Variants in KCNQ3 observed in about 807,000 individuals in gnomAD.
KCNQ3 encodes the protein potassium voltage-gated channel subfamily Q member 3.
KCNQ3 carries 30 observed loss-of-function variants against 92.5 expected under a neutral mutation model. That is an observed-to-expected ratio of 0.32 (90% CI 0.24 to 0.44). KCNQ3 has a LOEUF of 0.44. Ranked by LOEUF, KCNQ3 falls within the 20% of genes least tolerant of loss-of-function variation. The pLI, the probability that KCNQ3 is intolerant of heterozygous loss-of-function variation, is 1.00. For missense variants in KCNQ3, 913 were observed against 1,140.3 expected (o/e 0.80, Z 2.87); for synonymous variants, 450 against 468.8 (o/e 0.96, Z 0.52).
chr8:132,129,946 T>C lies in KCNQ3; in HGVS notation c.1935A>G (p.Gln645=), dbSNP rs587781011. 92 of 1,614,040 alleles carry C rather than the reference T, an allele frequency of 5.7e-5. No individual in the cohort carries two copies. The highest frequency in any genetic ancestry group is 6.8e-5 in the Non-Finnish European group (80 of 1,180,044). ...KLDFLVDMHM[Q]HMERLQVQVT... The stretch of plus-strand genomic sequence containing the variant: ...CCTGCACCTGCAACCGTTCCATGTG[T>C]TGCATGTGCATATCCACGAGGAAGT... Residue 645 remains glutamine, a synonymous_variant, in exon 15 of 15, where the codon CAA becomes CAG. Coordinates refer to ENST00000388996, the MANE Select transcript of KCNQ3 (RefSeq NM_004519.4). The surrounding 1 kb of genome is among the most constrained non-coding windows in gnomAD (Gnocchi z 5.9).
rs1363809967 is a variant in KCNQ3 at position 132,127,604 on chromosome 8, C to T, written c.*1658G>A. On this transcript the variant is annotated 3_prime_UTR_variant, in exon 15 of 15. Coordinates refer to ENST00000388996, the MANE Select transcript of KCNQ3 (RefSeq NM_004519.4). ...GGAGAATAGCAGTGTCAGCTGCATA[C>T]AGACATTTGTTTAGGTCATCTGGAT... 1 of 152,222 alleles carries T rather than the reference C, an allele frequency of 6.6e-6. No homozygotes were observed. The highest frequency in any genetic ancestry group is 1.5e-5 in the Non-Finnish European group (1 of 68,052). The allele number at this position is 152,222 out of a possible 1,614,324, so 9.4% of individuals were successfully genotyped here. A position where few individuals can be genotyped will look rare whatever the true frequency, so the allele number is the denominator to read the frequency against.
At chr8:132,354,477 TGG>T (rs1375717203) in intron 1 of KCNQ3, among the ~76,000 whole-genome samples, 2 of 152,194 alleles carry the variant, frequency 1.3e-5, no homozygotes, top group Non-Finnish European at 2.9e-5. Flanking sequence ...GAGTGTTTCA[TGG>T]CCCTGAACTT....
chr8:132,326,923 A>G (rs1030742744), intron 1 of KCNQ3, among the ~76,000 whole-genome samples: 10 of 152,214 alleles, frequency 6.6e-5, no homozygotes, highest in African/African-American at 2.4e-4. Context: ...CACCTAATAC[A>G]GCAACTCTCA....
In KCNQ3 at chr8:132,129,917, G is replaced by A. The variant is rs199942237; in HGVS notation, c.1964C>T (p.Thr655Met). 457 of 1,613,950 alleles carry A rather than the reference G, an allele frequency of 2.8e-4. No individual in the cohort carries two copies. The highest frequency in any genetic ancestry group is 3.4e-4 in the Non-Finnish European group (399 of 1,180,034). Residue 655 changes from threonine (T) to methionine (M), a missense_variant, in exon 15 of 15, where the codon ACG becomes ATG. This residue lies in a region of KCNQ3 where 375 missense variants were observed against 376.4 expected (regional missense o/e 1.00). Coordinates refer to ENST00000388996, the MANE Select transcript of KCNQ3 (RefSeq NM_004519.4). This position sits in a 1 kb window ranked among gnomAD's most constrained non-coding sequence, Gnocchi z 5.9. Reference sequence around the variant, plus strand: ...GGTGCCCTTGGTTGGGTAATACTCCGTGACCTGCACCTGCAACCGTTCCAT... The same window carrying A: ...GGTGCCCTTGGTTGGGTAATACTCCATGACCTGCACCTGCAACCGTTCCAT... ...QHMERLQVQV[T>M]EYYPTKGTSS... is the part of the protein sequence containing the mutation.
chr8:132,244,974 G>A (rs1279774544), intron 1 of KCNQ3, among the ~76,000 whole-genome samples: 3 of 150,388 alleles, frequency 2.0e-5, no homozygotes, highest in Admixed American at 6.6e-5. Context: ...CACTGCTCTG[G>A]CTCATTGGTA....
intron 1 of KCNQ3, among the ~76,000 whole-genome samples, chr8:132,308,901 T>C (rs976483935): frequency 2.6e-5 from 4 of 152,174 alleles, no homozygotes; most frequent in Admixed American, 6.5e-5. Context: ...TTGTTGCTAT[T>C]TGTGAAGGTT....
chr8:132,141,740 CA>C (rs1212332775), intron 9 of KCNQ3, among the ~76,000 whole-genome samples: 1 of 152,150 alleles, frequency 6.6e-6, no homozygotes, highest in Non-Finnish European at 1.5e-5. Context: ...AAATCCTTAT[CA>C]AAGGATTCCT....
intron 1 of KCNQ3, among the ~76,000 whole-genome samples, chr8:132,235,735 T>C (rs949414849): frequency 6.6e-6 from 1 of 152,186 alleles, no homozygotes; most frequent in African/African-American, 2.4e-5. Context: ...TTACTCCACT[T>C]TGTGTCTCAA....
chr8:132,305,317 G>T (rs533794999), intron 1 of KCNQ3, among the ~76,000 whole-genome samples: 3 of 152,238 alleles, frequency 2.0e-5, no homozygotes. Context: ...GAACTTTTAT[G>T]CTCCACAGAT....
chr8:132,359,728 G>A (rs1819114452), intron 1 of KCNQ3, among the ~76,000 whole-genome samples: 1 of 152,136 alleles, frequency 6.6e-6, no homozygotes, highest in African/African-American at 2.4e-5. Flanking sequence ...ATAATTTGAT[G>A]GAGTTTACAA....
At chr8:132,214,401 G>T (rs546965676) in intron 1 of KCNQ3, among the ~76,000 whole-genome samples, 1 of 151,260 alleles carries the variant, frequency 6.6e-6, no homozygotes. Flanking sequence ...CTTTCCTTCC[G>T]TTAGGAGCAG....
intron 1 of KCNQ3, among the ~76,000 whole-genome samples, chr8:132,404,050 T>C (rs1820414669): frequency 6.6e-6 from 1 of 152,208 alleles, no homozygotes; most frequent in African/African-American, 2.4e-5. Flanking sequence ...AGACCAGCCC[T>C]TGCCTGGAAT....
intron 1 of KCNQ3, among the ~76,000 whole-genome samples, chr8:132,276,736 T>C (rs1816344102): frequency 6.6e-6 from 1 of 152,170 alleles, no homozygotes. Flanking sequence ...ATGAAGAGTA[T>C]GTGCCTCAGG....
rs979769729 is a variant in KCNQ3 at position 132,220,365 on chromosome 8, T to C, written c.387-34184A>G. 2.6e-5 allele frequency among the ~76,000 whole-genome samples: 4 copies of C among 152,188 alleles called. No homozygotes were observed. The East Asian group carries it at 7.7e-4, about 29-fold the overall frequency. On this transcript the variant is annotated intron_variant, in intron 1 of 14. Coordinates refer to ENST00000388996, the MANE Select transcript of KCNQ3 (RefSeq NM_004519.4). ...GGCATCATGGCCAACTTAAGCTGGT[T>C]CTCCAGACATGATAAAATGAATGCA... is the stretch of plus-strand genomic sequence containing the variant.
chr8:132,443,694 T>G (rs1422367983), intron 1 of KCNQ3, among the ~76,000 whole-genome samples: 1 of 152,140 alleles, frequency 6.6e-6, no homozygotes, highest in East Asian at 1.9e-4. Context: ...AGATGTTTTT[T>G]GTTGCATTTT....
chr8:132,226,441 G>C (rs1486339165), intron 1 of KCNQ3, among the ~76,000 whole-genome samples: 1 of 152,088 alleles, frequency 6.6e-6, no homozygotes, highest in Non-Finnish European at 1.5e-5. Flanking sequence ...GTGTAGGGGA[G>C]TGGAGGCAGG....
intron 1 of KCNQ3, among the ~76,000 whole-genome samples, chr8:132,258,139 T>C (rs1455515126): frequency 6.6e-6 from 1 of 152,130 alleles, no homozygotes; most frequent in Non-Finnish European, 1.5e-5. Flanking sequence ...AAAAGACTTA[T>C]ACAACAGTAT....
chr8:132,453,529 G>A (rs901520456), intron 1 of KCNQ3, among the ~76,000 whole-genome samples: 1 of 152,116 alleles, frequency 6.6e-6, no homozygotes, highest in African/African-American at 2.4e-5. Flanking sequence ...AAACCGAGGG[G>A]CCTGCACTGG....
chr8:132,241,991 T>C (rs1451232706), intron 1 of KCNQ3, among the ~76,000 whole-genome samples: 2 of 150,892 alleles, frequency 1.3e-5, no homozygotes, highest in East Asian at 4.0e-4. Context: ...TCTAGGTAGA[T>C]CAAGGATATT....
Sources: allele counts gnomAD v4.1 joint callset (sites outside exome capture counted in the v4.1 genomes callset), GRCh38; gene constraint gnomAD v4.1.1; regional missense constraint gnomAD v4.1.1; non-coding constraint Gnocchi (gnomAD v3.1); transcripts MANE v1.5; gene names NCBI Gene and HGNC (gene_info 2026-07-23, HGNC 2026-07-21).